The following ANKRD11 variants were observed in gnomAD, a reference collection of about 807,000 sequenced individuals.
The protein encoded by ANKRD11 is ankyrin repeat domain-containing protein 11.
In ANKRD11, 17 loss-of-function variants were observed where a neutral mutation model predicts 195.7. The ratio of observed to expected loss-of-function variants is 0.09; its 90% CI spans 0.06 to 0.13. The LOEUF (loss-of-function observed/expected upper bound fraction) is 0.13. Among genes scored for constraint, ANKRD11 ranks in the 10% least tolerant of loss-of-function variants. The pLI, the probability that ANKRD11 is intolerant of heterozygous loss-of-function variation, is 1.00. For missense variants in ANKRD11, 3,735 were observed against 3,566.1 expected (o/e 1.05, Z -1.21); for synonymous variants, 1,953 against 1,528.1 (o/e 1.28, Z -6.49).
chr16:89,380,470 G>C (rs1169937672), intron 2 of ANKRD11, among the ~76,000 whole-genome samples: 1 of 152,156 alleles, frequency 6.6e-6, no homozygotes, highest in African/African-American at 2.4e-5. Flanking sequence ...TGAGCCTTCA[G>C]ATAGCTTCCT....
At chr16:89,389,367 T>G (rs1035255336) in intron 2 of ANKRD11, among the ~76,000 whole-genome samples, 1 of 151,442 alleles carries the variant, frequency 6.6e-6, no homozygotes, top group Non-Finnish European at 1.5e-5. Flanking sequence ...AAATAAAAAG[T>G]ATATTGAAAA....
intron 1 of ANKRD11, among the ~76,000 whole-genome samples, chr16:89,472,622 C>A (rs757397062): frequency 1.3e-5 from 2 of 152,166 alleles, no homozygotes; most frequent in African/African-American, 2.4e-5. Context: ...CATTCCACTG[C>A]GCCCAGCTTA....
chr16:89,397,823 GC>G lies in ANKRD11; in HGVS notation c.-60+20460del, dbSNP rs553833211. ...AGCAGGCGGTGGCCAGGGACAAGCG[GC>G]CCGTGCCACGTCTCCCAGCTAGCTC... On this transcript the variant is annotated intron_variant, in intron 2 of 12. Coordinates refer to ENST00000301030, the MANE Select transcript of ANKRD11 (RefSeq NM_013275.6). Among the ~76,000 whole-genome samples the G allele has an allele frequency of 5.3e-5, 8 of 152,340 alleles. No homozygotes were observed. In the East Asian group the frequency reaches 1.5e-3, roughly 29 times the overall value.
chr16:89,307,329 G>A (rs2036344676), intron 3 of ANKRD11, among the ~76,000 whole-genome samples: 1 of 152,164 alleles, frequency 6.6e-6, no homozygotes, highest in Non-Finnish European at 1.5e-5. Flanking sequence ...CAGTCACTCT[G>A]CATCCACCAA....
intron 1 of ANKRD11, among the ~76,000 whole-genome samples, chr16:89,477,899 A>C (rs2057310501): frequency 6.6e-6 from 1 of 151,926 alleles, no homozygotes; most frequent in African/African-American, 2.4e-5. Context: ...CGAAGGTTTC[A>C]GTGAGCCAAG....
chr16:89,393,757 C>T (rs1010932114), intron 2 of ANKRD11, among the ~76,000 whole-genome samples: 4 of 152,084 alleles, frequency 2.6e-5, no homozygotes, highest in Non-Finnish European at 5.9e-5. Flanking sequence ...GGCCTATTGC[C>T]CTTCATTCTG....
Position 89,290,834 on chromosome 16 carries a change from G to A in ANKRD11, c.398-6C>T. ...GTGCTTTGGTGTTGTGTCCACTGCAGGCCAAGGAGGGGACAGATGGGCATT... is the reference window on the plus strand; with the variant it reads ...GTGCTTTGGTGTTGTGTCCACTGCAAGCCAAGGAGGGGACAGATGGGCATT... On this transcript the variant is annotated splice_polypyrimidine_tract_variant and splice_region_variant and intron_variant, in intron 5 of 12. Transcript: ENST00000301030. The A allele has an allele frequency of 6.2e-7, 1 of 1,613,290 alleles. No individual in the cohort carries two copies. Among genetic ancestry groups the A allele is most frequent in the Non-Finnish European group, 8.5e-7 (1 of 1,179,950 alleles).
chr16:89,460,946 GAAGA>G (rs2056633055), intron 1 of ANKRD11, among the ~76,000 whole-genome samples: 1 of 139,950 alleles, frequency 7.1e-6, no homozygotes, highest in East Asian at 2.1e-4. Flanking sequence ...ATTCATAAGA[GAAGA>G]AAGGACAAAT....
chr16:89,305,371 C>A, intron 3 of ANKRD11, 27 bp from the exon 4 acceptor site: 1 of 1,613,646 alleles, frequency 6.2e-7, no homozygotes, highest in South Asian at 1.1e-5. Flanking sequence ...TGCTTTCAGT[C>A]GTGATGTCCA....
chr16:89,299,732 C>T (rs1458097918), intron 4 of ANKRD11: 29 of 136,026 alleles, frequency 2.1e-4, no homozygotes, highest in Middle Eastern at 3.8e-3. Flanking sequence ...GTGTGGGATG[C>T]GTGGGGTCTG....
At chr16:89,286,250 A>C in intron 7 of ANKRD11, 64 bp from the exon 8 acceptor site, 3 of 1,596,940 alleles carry the variant, frequency 1.9e-6, no homozygotes, top group Non-Finnish European at 2.6e-6. Context: ...ACCGTTCCGC[A>C]TAACACGGCA....
At chr16:89,305,046 G>T in intron 4 of ANKRD11, 160 bp downstream of exon 4, 1 of 1,113,896 alleles carries the variant, frequency 9.0e-7, no homozygotes, top group Non-Finnish European at 1.3e-6. Context: ...GCATGTGGGG[G>T]CCTGTGCTCC....
chr16:89,317,092 GAC>G lies in ANKRD11; in HGVS notation c.-59-16_-59-15del, dbSNP rs2037004980. The G allele has an allele frequency of 1.3e-6, 2 of 1,492,580 alleles. No individual in the cohort carries two copies. Among genetic ancestry groups the G allele is most frequent in the South Asian group, 1.2e-5 (1 of 84,136 alleles). 92.5% of individuals were successfully genotyped at this position (1,492,580 alleles called of 1,614,324 possible). On this transcript the variant is annotated splice_polypyrimidine_tract_variant and intron_variant, in intron 2 of 12. Transcript: ENST00000301030. ...ATCAACCGTCTGCTTCAAAAGAGAA[GAC>G]ACACAATTCACTGAATTCAGAGGCA... is the stretch of plus-strand genomic sequence containing the variant.
At chr16:89,417,185 G>A (rs1419349123) in intron 2 of ANKRD11, among the ~76,000 whole-genome samples, 2 of 152,216 alleles carry the variant, frequency 1.3e-5, no homozygotes, top group South Asian at 2.1e-4. Context: ...AAAGTGGCCT[G>A]ACTCCAGGCG....
Position 89,275,081 on chromosome 16 carries a change from C to T in ANKRD11, c.7569+12G>A, listed in dbSNP as rs1433228361. 2 of 1,612,732 alleles carry T rather than the reference C, an allele frequency of 1.2e-6. No individual in the cohort carries two copies. The highest frequency in any genetic ancestry group is 1.7e-6 in the Non-Finnish European group (2 of 1,179,684). On this transcript the variant is annotated intron_variant, in intron 10 of 12. Transcript: ENST00000301030. ...GGCCGTGGCGCCCCCCTGCCTGTGC[C>T]AGCCCACTTACCCGCTCGATGCTGT...
intron 1 of ANKRD11, among the ~76,000 whole-genome samples, chr16:89,433,188 G>A (rs1346694782): frequency 1.3e-5 from 2 of 152,164 alleles, no homozygotes; most frequent in African/African-American, 4.8e-5. Context: ...AAATGAAAAA[G>A]GAAGACAGTA....
At chr16:89,432,983 TCTCTCTC>T (rs1288073620) in intron 1 of ANKRD11, among the ~76,000 whole-genome samples, 63 of 135,014 alleles carry the variant, frequency 4.7e-4, no homozygotes, top group African/African-American at 1.4e-3. Context: ...TCTCTCTCTC[TCTCTCTC>T]CTCTCTCTCA....
chr16:89,480,785 C>G (rs764228118), intron 1 of ANKRD11, among the ~76,000 whole-genome samples: 2 of 152,176 alleles, frequency 1.3e-5, no homozygotes, highest in Non-Finnish European at 1.5e-5. Context: ...CCATTAAAGT[C>G]ATTTAGGCAA....
At chr16:89,357,691 C>T (rs1222356643) in intron 2 of ANKRD11, among the ~76,000 whole-genome samples, 1 of 152,176 alleles carries the variant, frequency 6.6e-6, no homozygotes, top group African/African-American at 2.4e-5. Context: ...ACGAGGAATG[C>T]CTGTCACAGC....
Sources: allele counts gnomAD v4.1 joint callset (sites outside exome capture counted in the v4.1 genomes callset), GRCh38; gene constraint gnomAD v4.1.1; transcripts MANE v1.5; gene names NCBI Gene and HGNC (gene_info 2026-07-23, HGNC 2026-07-21).